Variants in HOOK3 observed in about 807,000 individuals in gnomAD.
HOOK3 encodes the protein protein Hook homolog 3.
Under a neutral mutation model 116.3 loss-of-function variants are expected in HOOK3, and 24 were observed. That is an observed-to-expected ratio of 0.21 (90% CI 0.15 to 0.29). The LOEUF (loss-of-function observed/expected upper bound fraction) is 0.29, where lower values mean the gene tolerates loss of function less well. Among genes scored for constraint, HOOK3 ranks in the 10% least tolerant of loss-of-function variants. The pLI, the probability that HOOK3 is intolerant of heterozygous loss-of-function variation, is 1.00. For missense variants in HOOK3, 632 were observed against 830.2 expected (o/e 0.76, Z 2.93); for synonymous variants, 275 against 283.0 (o/e 0.97, Z 0.28).
intron 13 of HOOK3, among the ~76,000 whole-genome samples, chr8:42,979,175 G>C (rs1808885651): frequency 1.3e-5 from 2 of 152,156 alleles, no homozygotes; most frequent in Admixed American, 1.3e-4. Flanking sequence ...GGAAGGCTCA[G>C]ATGGGAGGAT....
chr8:43,005,392 T>G (rs1475629610), intron 17 of HOOK3, among the ~76,000 whole-genome samples: 1 of 151,546 alleles, frequency 6.6e-6, no homozygotes. Flanking sequence ...GGCTCATTTT[T>G]TGTGTGTTTT....
Position 43,022,455 on chromosome 8 carries a change from T to G in HOOK3, c.*3957T>G. ...GTTGGAGCACACTGTCACCACAGTG[T>G]CTGAAGTCTTATAAACAGGAAGATC... On this transcript the variant is annotated 3_prime_UTR_variant, in exon 22 of 22. Coordinates refer to ENST00000307602, the MANE Select transcript of HOOK3 (RefSeq NM_032410.4). 5.0e-6 allele frequency: 1 copy of G among 200,058 alleles called. No homozygotes were observed. Among genetic ancestry groups the G allele is most frequent in the Non-Finnish European group, 1.0e-5 (1 of 96,990 alleles). 12.4% of individuals were successfully genotyped at this position (200,058 alleles called of 1,614,324 possible). A position where few individuals can be genotyped will look rare whatever the true frequency, so the allele number is the denominator to read the frequency against.
intron 1 of HOOK3, among the ~76,000 whole-genome samples, chr8:42,900,881 T>G (rs1807173301): frequency 6.6e-6 from 1 of 152,242 alleles, no homozygotes; most frequent in Non-Finnish European, 1.5e-5. Flanking sequence ...TGCCCAGAGT[T>G]GCTAGTTCTG....
intron 3 of HOOK3, among the ~76,000 whole-genome samples, chr8:42,927,373 C>T (rs1489335624): frequency 6.6e-6 from 1 of 151,384 alleles, no homozygotes; most frequent in African/African-American, 2.4e-5. Flanking sequence ...TCTCCTGCCT[C>T]GGTCTCCCGA....
chr8:43,007,914 A>G lies in HOOK3; in HGVS notation c.1723A>G (p.Arg575Gly), dbSNP rs1371496711. 6.3e-7 allele frequency: 1 copy of G among 1,593,042 alleles called. No individual in the cohort carries two copies. The highest frequency in any genetic ancestry group is 2.2e-5 in the East Asian group (1 of 44,596). Residue 575 changes from arginine (R) to glycine (G), a missense_variant, in exon 18 of 22, where the codon AGA (arginine) becomes GGA (glycine). Transcript: ENST00000307602. ...KRAIIEDLEP[R>G]FNNSSLKIEE... ...AGCCATTATTGAAGATCTCGAGCCAAGATTTAACAACAGCTGTGAGTTTTC... is the reference window on the plus strand; with the variant it reads ...AGCCATTATTGAAGATCTCGAGCCAGGATTTAACAACAGCTGTGAGTTTTC...
At chr8:42,930,028 C>G in intron 3 of HOOK3, 94 bp from the exon 4 acceptor site, 1 of 1,031,256 alleles carries the variant, frequency 9.7e-7, no homozygotes, top group Non-Finnish European at 1.4e-6. Flanking sequence ...TTATGATTAA[C>G]TGCAGTGATT....
chr8:42,981,897 AAAAG>A (rs1342255645), intron 13 of HOOK3, among the ~76,000 whole-genome samples: 1 of 150,778 alleles, frequency 6.6e-6, no homozygotes, highest in East Asian at 2.0e-4. Context: ...AAAAAAAAAA[AAAAG>A]AATAAGGAAT....
intron 2 of HOOK3, among the ~76,000 whole-genome samples, chr8:42,917,082 T>C (rs1002764588): frequency 5.3e-5 from 8 of 152,284 alleles, no homozygotes; most frequent in African/African-American, 1.9e-4. Flanking sequence ...CTCCCTTAAG[T>C]TGGATAATTT....
chr8:42,954,867 A>T (rs1347660865), intron 6 of HOOK3, among the ~76,000 whole-genome samples: 1 of 152,220 alleles, frequency 6.6e-6, no homozygotes, highest in Non-Finnish European at 1.5e-5. Context: ...AGGGGTGGGC[A>T]TGCCTGTCAC....
rs1189970052 is a variant in HOOK3, at chr8:42,968,171, A to G, written c.1079A>G (p.Lys360Arg). ...NTVSLEEELR[K>R]ANAARSQLET... ...GTCAGTCTAGAGGAAGAGTTAAGAA[A>G]GGCCAACGCAGCGCGAAGTCAACTT... The change falls in exon 11 of 22, where the codon AAG (lysine) becomes AGG (arginine). Residue 360 changes from lysine (K) to arginine (R), a missense_variant. By Grantham distance (26) the Lys-to-Arg change is conservative. Coordinates refer to ENST00000307602, the MANE Select transcript of HOOK3 (RefSeq NM_032410.4). The G allele has an allele frequency of 1.9e-6, 3 of 1,613,902 alleles. No homozygotes were observed. Among genetic ancestry groups the G allele is most frequent in the African/African-American group, 1.3e-5 (1 of 74,938 alleles).
At chr8:43,000,502 TCC>T (rs1422036320) in intron 16 of HOOK3, among the ~76,000 whole-genome samples, 1 of 152,214 alleles carries the variant, frequency 6.6e-6, no homozygotes, top group Non-Finnish European at 1.5e-5. Flanking sequence ...TATTCCCCAT[TCC>T]ACTCCTGTTC....
At chr8:43,014,509 GC>G (rs1809673707) in intron 21 of HOOK3, among the ~76,000 whole-genome samples, 1 of 151,548 alleles carries the variant, frequency 6.6e-6, no homozygotes, top group Admixed American at 6.6e-5. Context: ...CTGCCAGCAC[GC>G]CCGAATAATT....
intron 7 of HOOK3, 85 bp from the exon 8 acceptor site, chr8:42,959,146 A>T (rs1002473660): frequency 1.3e-5 from 11 of 821,256 alleles, no homozygotes; most frequent in South Asian, 4.8e-5. Context: ...GACAGGGGGG[A>T]GATGTTTTAA....
rs1807007086 is a variant in HOOK3 at position 42,897,165 on chromosome 8, CT to C, written c.35del (p.Leu12ArgfsTer24). On this transcript the variant is annotated frameshift_variant, in exon 1 of 22. Transcript: ENST00000307602. LOFTEE classifies it high-confidence loss of function. ...FSVESLERAE[L>X]CESLLTWIQT... The stretch of plus-strand genomic sequence containing the variant: ...CGTAGAGTCGCTGGAGCGGGCGGAG[CT>C]GTGCGAGAGCCTCCTCACTTGGGTA... The C allele has an allele frequency of 8.0e-7, 1 of 1,249,042 alleles. No individual in the cohort carries two copies. The highest frequency in any genetic ancestry group is 1.0e-6 in the Non-Finnish European group (1 of 991,640). 77.4% of individuals were successfully genotyped at this position (1,249,042 alleles called of 1,614,324 possible).
intron 16 of HOOK3, among the ~76,000 whole-genome samples, chr8:43,000,620 T>C (rs1809361477): frequency 6.6e-6 from 1 of 152,170 alleles, no homozygotes. Context: ...GGAGAGGCAC[T>C]GCAGCATAGG....
intron 15 of HOOK3, among the ~76,000 whole-genome samples, chr8:42,991,105 T>A (rs765494559): frequency 4.7e-4 from 72 of 152,322 alleles, no homozygotes; most frequent in Middle Eastern, 3.4e-3. Flanking sequence ...ACTGTAGGTG[T>A]ATAGATTTAT....
chr8:42,921,855 G>T (rs928903813), intron 2 of HOOK3, among the ~76,000 whole-genome samples: 1 of 151,470 alleles, frequency 6.6e-6, no homozygotes, highest in Non-Finnish European at 1.5e-5. Context: ...GGTGTAGATG[G>T]ATAGAAAGAA....
In HOOK3 at chr8:43,021,315, TC is replaced by T. The variant is rs1014971236; in HGVS notation, c.*2823del. 5.3e-5 allele frequency: 10 copies of T among 188,592 alleles called. No homozygotes were observed. The highest frequency in any genetic ancestry group is 1.7e-4 in the East Asian group (2 of 11,832). 11.7% of individuals were successfully genotyped at this position (188,592 alleles called of 1,614,324 possible). A position where few individuals can be genotyped will look rare whatever the true frequency, so the allele number is the denominator to read the frequency against. ...GGGAGTTTTACTTCTGACTTTTTTT[TC>T]CCCCCGAGACGGAGCCTCGTTCCGT... On this transcript the variant is annotated 3_prime_UTR_variant, in exon 22 of 22. Transcript: ENST00000307602.
In HOOK3 at chr8:42,927,616, CT is replaced by C. The variant is rs1160639755; in HGVS notation, c.216+1995del. Among the ~76,000 whole-genome samples the C allele has an allele frequency of 9.2e-5, 14 of 151,582 alleles. No homozygotes were observed. In the South Asian group the frequency reaches 2.7e-3, roughly 29 times the overall value. On this transcript the variant is annotated intron_variant, in intron 3 of 21. Coordinates refer to ENST00000307602, the MANE Select transcript of HOOK3 (RefSeq NM_032410.4). ...CAGGCAATTTATTTATTTTTATTTA[CT>C]TTTTTTTGAGACAGGGTCTCACTCT... is the stretch of plus-strand genomic sequence containing the variant.
Sources: gnomAD v4.1 joint callset for allele counts (sites outside exome capture counted in the v4.1 genomes callset) on GRCh38, gnomAD v4.1.1 for gene constraint, MANE v1.5 for transcripts, NCBI Gene and HGNC (gene_info 2026-07-23, HGNC 2026-07-21) for gene names.